FOCAD: variants seen among roughly 807,000 people sequenced by gnomAD.
FOCAD encodes the protein focadhesin.
A neutral mutation model predicts 225.6 loss-of-function variants in FOCAD; 198 were observed. That is an observed-to-expected ratio of 0.88 (90% confidence interval 0.78 to 0.99). FOCAD has a LOEUF of 0.99. Among genes scored for constraint, FOCAD ranks in the 50% least tolerant of loss-of-function variants. The pLI, the probability that FOCAD is intolerant of heterozygous loss-of-function variation, is 0.00. For missense variants in FOCAD, 2,713 were observed against 2,123.6 expected (o/e 1.28, Z -5.46); for synonymous variants, 897 against 755.0 (o/e 1.19, Z -3.08).
intron 2 of FOCAD, among the ~76,000 whole-genome samples, chr9:20,671,079 C>T (rs751961519): frequency 3.3e-5 from 5 of 152,098 alleles, no homozygotes. Context: ...CATTTCTGAT[C>T]TTCTGTAATA....
chr9:20,770,429 G>T (rs560469145), intron 8 of FOCAD, among the ~76,000 whole-genome samples, 191 bp downstream of exon 8: 3 of 152,300 alleles, frequency 2.0e-5, no homozygotes, highest in East Asian at 3.9e-4. Context: ...GGTGAAGCAG[G>T]AGCCAGCACT....
intron 16 of FOCAD, among the ~76,000 whole-genome samples, 192 bp from the exon 17 acceptor site, chr9:20,865,734 C>G (rs1564087986): frequency 2.0e-5 from 3 of 151,984 alleles, no homozygotes. Flanking sequence ...TTTAAAATAT[C>G]CATGTGCTTA....
chr9:20,808,775 G>A (rs1822735016), intron 11 of FOCAD, among the ~76,000 whole-genome samples: 1 of 152,148 alleles, frequency 6.6e-6, no homozygotes, highest in African/African-American at 2.4e-5. Flanking sequence ...GCTGGGTGCT[G>A]TGGCCGGCTT....
At chr9:20,689,162 T>C (rs1394356438) in intron 1 of FOCAD, among the ~76,000 whole-genome samples, 1 of 152,148 alleles carries the variant, frequency 6.6e-6, no homozygotes, top group East Asian at 1.9e-4. Context: ...ATGAAAAGGA[T>C]AGAAATCCTC....
At chr9:20,839,036 G>T (rs749488036) in intron 15 of FOCAD, among the ~76,000 whole-genome samples, 2 of 152,056 alleles carry the variant, frequency 1.3e-5, no homozygotes, top group Non-Finnish European at 2.9e-5. Context: ...CCACAATAAA[G>T]ATTGGTTGTA....
intron 21 of FOCAD, among the ~76,000 whole-genome samples, chr9:20,893,764 C>G (rs1831835849): frequency 6.6e-6 from 1 of 152,000 alleles, no homozygotes; most frequent in African/African-American, 2.4e-5. Flanking sequence ...TGGAGCATTC[C>G]CATACAACTC....
intron 42 of FOCAD, among the ~76,000 whole-genome samples, chr9:20,993,008 A>G (rs1841798262): frequency 6.6e-6 from 1 of 151,782 alleles, no homozygotes; most frequent in Non-Finnish European, 1.5e-5. Context: ...TCAGCAGGGA[A>G]GTAGGTTTGA....
intron 21 of FOCAD, among the ~76,000 whole-genome samples, chr9:20,891,213 TC>T (rs1356288125): frequency 6.6e-6 from 1 of 152,112 alleles, no homozygotes; most frequent in Admixed American, 6.6e-5. Context: ...CAACCAGATG[TC>T]CCCCCAATTG....
At chr9:20,674,595 G>T (rs1222208746) in intron 2 of FOCAD, among the ~76,000 whole-genome samples, 2 of 152,208 alleles carry the variant, frequency 1.3e-5, no homozygotes. Flanking sequence ...AGTCCAGGCT[G>T]TGGTGCCACT....
chr9:20,789,628 G>A lies in FOCAD; in HGVS notation c.1455+20G>A. 6.2e-7 allele frequency: 1 copy of A among 1,611,528 alleles called. No individual in the cohort carries two copies. On this transcript the variant is annotated intron_variant, in intron 11 of 43. Transcript: ENST00000338382. ...TCCCAGGTAAAGCAAGAGAATAATG[G>A]AACAATAATGAGAGGAAAGCTTAAT... is the stretch of plus-strand genomic sequence containing the variant.
chr9:20,817,635 C>T (rs1823866196), intron 11 of FOCAD, among the ~76,000 whole-genome samples: 1 of 148,352 alleles, frequency 6.7e-6, no homozygotes, highest in Admixed American at 6.8e-5. Context: ...TAAATGAGAT[C>T]ATATAACATG....
At chr9:20,830,045 TA>T (rs1465367006) in intron 15 of FOCAD, among the ~76,000 whole-genome samples, 3 of 152,104 alleles carry the variant, frequency 2.0e-5, no homozygotes, top group Non-Finnish European at 2.9e-5. Flanking sequence ...AACTAAAATG[TA>T]GTAGTCAGGA....
At chr9:20,919,556 A>G (rs1243123119) in intron 24 of FOCAD, among the ~76,000 whole-genome samples, 1 of 152,196 alleles carries the variant, frequency 6.6e-6, no homozygotes, top group African/African-American at 2.4e-5. Context: ...ACCTGACTTC[A>G]AACTATACTA....
chr9:20,797,801 A>G (rs945041790), intron 11 of FOCAD, among the ~76,000 whole-genome samples: 1 of 152,190 alleles, frequency 6.6e-6, no homozygotes, highest in African/African-American at 2.4e-5. Context: ...AACAGGGACC[A>G]TTTGACTTCC....
intron 1 of FOCAD, among the ~76,000 whole-genome samples, chr9:20,698,483 C>T (rs985647012): frequency 6.6e-6 from 1 of 152,126 alleles, no homozygotes; most frequent in African/African-American, 2.4e-5. Flanking sequence ...TCACTGCAGT[C>T]TCGACCTCCT....
chr9:20,792,493 T>C (rs187843441), intron 11 of FOCAD, among the ~76,000 whole-genome samples: 2 of 152,114 alleles, frequency 1.3e-5, no homozygotes, highest in Admixed American at 1.3e-4. Context: ...GTTTGACAAA[T>C]TGAGTTTTGC....
chr9:20,892,643 A>G (rs1342854954), intron 21 of FOCAD, among the ~76,000 whole-genome samples: 2 of 152,208 alleles, frequency 1.3e-5, no homozygotes, highest in East Asian at 3.9e-4. Flanking sequence ...GTTTCTTGAG[A>G]TGGAATCTAC....
Position 20,789,450 on chromosome 9 carries a change from G to A in FOCAD, c.1297G>A (p.Asp433Asn), listed in dbSNP as rs1820292119. 6.2e-7 allele frequency: 1 copy of A among 1,613,910 alleles called. No individual in the cohort carries two copies. Among genetic ancestry groups the A allele is most frequent in the Non-Finnish European group, 8.5e-7 (1 of 1,179,990 alleles). Residue 433 changes from aspartate (D) to asparagine (N), a missense_variant, in exon 11 of 44, where the codon GAC becomes AAC. Coordinates refer to ENST00000338382, the MANE Select transcript of FOCAD (RefSeq NM_001375567.1). The part of the protein sequence containing the change: ...EVMTDSSAAS[D>N]WLASVESLLP... ...AATGACAGACTCGTCTGCTGCAAGT[G>A]ACTGGTTGGCTTCAGTAGAGTCATT...
chr9:20,669,260 A>G (rs1210210166), intron 2 of FOCAD, among the ~76,000 whole-genome samples: 1 of 152,148 alleles, frequency 6.6e-6, no homozygotes, highest in Non-Finnish European at 1.5e-5. Context: ...TTATTTTGTC[A>G]CTAATTCCTT....
Sources: gnomAD v4.1 joint callset for allele counts (sites outside exome capture counted in the v4.1 genomes callset) on GRCh38, gnomAD v4.1.1 for gene constraint, MANE v1.5 for transcripts, NCBI Gene and HGNC (gene_info 2026-07-23, HGNC 2026-07-21) for gene names.